The following IMMP2L variants were observed in gnomAD, a reference collection of about 807,000 sequenced individuals.
IMMP2L encodes the protein inner mitochondrial membrane peptidase subunit 2, also known as mitochondrial inner membrane protease subunit 2.
IMMP2L carries 18 observed loss-of-function variants against 19.3 expected under a neutral mutation model. The observed-to-expected ratio is 0.93, with a 90% CI of 0.64 to 1.38. The LOEUF is 1.38. Ranked by LOEUF, IMMP2L falls within the 40% of genes most tolerant of loss-of-function variation. The pLI is 0.00. For missense variants in IMMP2L, 233 were observed against 218.2 expected, an observed-to-expected ratio of 1.07 and a Z score of -0.43; for synonymous variants, 76 against 73.0, an observed-to-expected ratio of 1.04 and a Z score of -0.21.
At chr7:111,087,164 T>C (rs1220459254) in intron 3 of IMMP2L, among the ~76,000 whole-genome samples, 2 of 152,116 alleles carry the variant, frequency 1.3e-5, no homozygotes, top group African/African-American at 4.8e-5. Flanking sequence ...AAAATATCTA[T>C]CTTTGCCGGG....
chr7:110,862,501 G>T (rs972274056), intron 5 of IMMP2L, among the ~76,000 whole-genome samples: 1 of 151,306 alleles, frequency 6.6e-6, no homozygotes. Context: ...CCCAGGCCCG[G>T]CTAATTTTTT....
intron 3 of IMMP2L, among the ~76,000 whole-genome samples, chr7:111,328,711 T>C (rs562308837): frequency 6.6e-6 from 1 of 151,894 alleles, no homozygotes; most frequent in African/African-American, 2.4e-5. Flanking sequence ...GATGTATAGC[T>C]TGAGAAGTGA....
At chr7:110,894,274 T>A (rs903951585) in intron 4 of IMMP2L, among the ~76,000 whole-genome samples, 2 of 152,178 alleles carry the variant, frequency 1.3e-5, no homozygotes, top group Non-Finnish European at 2.9e-5. Context: ...CAGATCTCAC[T>A]ATTGTTAATT....
At chr7:111,380,202 C>T (rs910341026) in intron 3 of IMMP2L, among the ~76,000 whole-genome samples, 3 of 151,828 alleles carry the variant, frequency 2.0e-5, no homozygotes, top group Non-Finnish European at 4.4e-5. Context: ...TATTAGTTGT[C>T]ATATGAAGGC....
chr7:110,942,693 T>A (rs1190038625), intron 4 of IMMP2L, among the ~76,000 whole-genome samples: 2 of 151,718 alleles, frequency 1.3e-5, no homozygotes, highest in Non-Finnish European at 2.9e-5. Context: ...AAAACCAACA[T>A]TTGGCATGAG....
chr7:111,520,535 TA>T (rs1410940754), intron 2 of IMMP2L, among the ~76,000 whole-genome samples: 1 of 152,108 alleles, frequency 6.6e-6, no homozygotes, highest in Non-Finnish European at 1.5e-5. Flanking sequence ...GAAAAAAAAT[TA>T]AGCTGGTTAT....
intron 3 of IMMP2L, among the ~76,000 whole-genome samples, chr7:111,307,492 A>G (rs953929349): frequency 6.6e-6 from 1 of 151,848 alleles, no homozygotes; most frequent in African/African-American, 2.4e-5. Flanking sequence ...TCTACCTCGC[A>G]GTAGGTAAAA....
chr7:110,862,099 G>A (rs1306556721), intron 5 of IMMP2L, among the ~76,000 whole-genome samples: 1 of 151,984 alleles, frequency 6.6e-6, no homozygotes, highest in African/African-American at 2.4e-5. Flanking sequence ...CTGTGTGCAT[G>A]TATGGATAAG....
chr7:110,970,782 T>C (rs1238013504), intron 3 of IMMP2L, among the ~76,000 whole-genome samples: 2 of 152,104 alleles, frequency 1.3e-5, no homozygotes, highest in African/African-American at 4.8e-5. Flanking sequence ...TCACTGAGTA[T>C]GGCTTTGCAT....
intron 3 of IMMP2L, among the ~76,000 whole-genome samples, chr7:111,220,057 T>G (rs2129620354): frequency 6.6e-6 from 1 of 152,186 alleles, no homozygotes; most frequent in Non-Finnish European, 1.5e-5. Flanking sequence ...ATTATGTCAC[T>G]TATCTACTAG....
chr7:110,890,825 T>C (rs879343603), intron 4 of IMMP2L, among the ~76,000 whole-genome samples: 1 of 152,292 alleles, frequency 6.6e-6, no homozygotes, highest in African/African-American at 2.4e-5. Flanking sequence ...AAAGAATCAT[T>C]ACCTCCAGTT....
intron 3 of IMMP2L, among the ~76,000 whole-genome samples, chr7:111,083,350 A>T (rs1188202054): frequency 6.6e-6 from 1 of 152,202 alleles, no homozygotes; most frequent in Admixed American, 6.5e-5. Flanking sequence ...CCTTCACACT[A>T]TGTTAATCAT....
rs60629485 is a variant in IMMP2L, at chr7:111,231,024, CTGTGTG to C, written c.239+256208_239+256213del. Among the ~76,000 whole-genome samples the C allele has an allele frequency of 3.6e-3, 531 of 147,082 alleles. 3 individuals carry two copies. The highest frequency in any genetic ancestry group is 0.01 in the African/African-American group (414 of 40,032). On this transcript the variant is annotated intron_variant, in intron 3 of 5. Coordinates refer to ENST00000405709, the MANE Select transcript of IMMP2L (RefSeq NM_032549.4). ...TATGATGTAGGTAAATAAGTAGTGG[CTGTGTG>C]TGTGTGTGTGTGTGTGTGTGTGTGT... is the stretch of plus-strand genomic sequence containing the variant.
rs1584788842 is a variant in IMMP2L at position 110,775,026 on chromosome 7, A to G, written c.409-111305T>C. On this transcript the variant is annotated intron_variant, in intron 5 of 5. Transcript: ENST00000405709. Reference sequence around the variant, plus strand: ...AATTAAAATCACACCTTCAATGATTACTTAGTGATATAGGAAAATACTTGT... The same window carrying G: ...AATTAAAATCACACCTTCAATGATTGCTTAGTGATATAGGAAAATACTTGT... Among the ~76,000 whole-genome samples the G allele has an allele frequency of 3.9e-5, 6 of 152,106 alleles. 1 individual carries two copies. Among genetic ancestry groups the G allele is most frequent in the Admixed American group, 3.9e-4 (6 of 15,240 alleles).
At chr7:110,721,518 A>G (rs1475650663) in intron 5 of IMMP2L, among the ~76,000 whole-genome samples, 4 of 152,128 alleles carry the variant, frequency 2.6e-5, no homozygotes, top group Non-Finnish European at 5.9e-5. Context: ...GCAAAAGAAC[A>G]GACTATGACA....
At chr7:111,342,876 C>A (rs996248484) in intron 3 of IMMP2L, among the ~76,000 whole-genome samples, 4 of 151,944 alleles carry the variant, frequency 2.6e-5, no homozygotes, top group African/African-American at 9.7e-5. Flanking sequence ...AAATTTAACA[C>A]CCTTCTAACA....
intron 3 of IMMP2L, among the ~76,000 whole-genome samples, chr7:111,320,083 A>T (rs1022670680): frequency 6.6e-6 from 1 of 152,016 alleles, no homozygotes; most frequent in African/African-American, 2.4e-5. Flanking sequence ...ACAGAAAGAG[A>T]GGAAAAGTCA....
chr7:111,016,634 C>T (rs1238641670), intron 3 of IMMP2L, among the ~76,000 whole-genome samples: 2 of 103,740 alleles, frequency 1.9e-5, no homozygotes, highest in Non-Finnish European at 1.7e-5. Context: ...ATATATAATG[C>T]ATATATATTA....
chr7:110,669,956 G>GA (rs1428847091), intron 5 of IMMP2L, among the ~76,000 whole-genome samples: 2 of 152,128 alleles, frequency 1.3e-5, no homozygotes, highest in African/African-American at 2.4e-5. Context: ...GTTCTTTCCT[G>GA]AAAAAATAGA....
Sources: gnomAD v4.1 joint callset for allele counts (sites outside exome capture counted in the v4.1 genomes callset) on GRCh38, gnomAD v4.1.1 for gene constraint, MANE v1.5 for transcripts, NCBI Gene and HGNC (gene_info 2026-07-23, HGNC 2026-07-21) for gene names.